Variants in ABCB9 observed in about 807,000 individuals in gnomAD.
ABCB9 encodes ATP binding cassette subfamily B member 9, also known as ABC-type oligopeptide transporter ABCB9.
Under a neutral mutation model 62.0 loss-of-function variants are expected in ABCB9, and 36 were observed. The ratio of observed to expected loss-of-function variants is 0.58; its 90% confidence interval spans 0.45 to 0.77. ABCB9 has a LOEUF of 0.77. ABCB9 is among the 30% of genes least tolerant of loss of function. ABCB9 has a pLI of 0.00. For synonymous variants in ABCB9, 435 were observed against 461.4 expected (o/e 0.94, Z 0.73); for missense variants, 943 against 1,054.7 (o/e 0.89, Z 1.47).
upstream of ABCB9, among the ~76,000 whole-genome samples, chr12:122,967,331 A>G (rs1277991664): frequency 6.6e-6 from 1 of 152,220 alleles, no homozygotes; most frequent in Admixed American, 6.5e-5. Flanking sequence ...ATCCTACGCT[A>G]AGGCCTGCAA....
Position 122,932,110 on chromosome 12 carries a change from A to G in ABCB9, c.2040+82T>C. 6.5e-7 allele frequency: 1 copy of G among 1,547,108 alleles called. No individual in the cohort carries two copies. Among genetic ancestry groups the G allele is most frequent in the East Asian group, 2.4e-5 (1 of 40,902 alleles). ...GAGCTCCTGGGGCCCGTCTCTTCTC[A>G]GCATCCATCTGCTGGGCGATGGGGG... On this transcript the variant is annotated intron_variant, in intron 11 of 11. Transcript: ENST00000280560. This position sits in a 1 kb window ranked among gnomAD's most constrained non-coding sequence, Gnocchi z 4.7.
upstream of ABCB9, chr12:122,966,554 G>A (rs919227341): frequency 6.6e-6 from 1 of 152,238 alleles, no homozygotes; most frequent in African/African-American, 2.4e-5. Flanking sequence ...GAGCCTCCCG[G>A]GAGGGGCGGG....
intron 10 of ABCB9, among the ~76,000 whole-genome samples, chr12:122,933,556 G>GAAA (rs781294476): frequency 7.9e-6 from 1 of 126,602 alleles, no homozygotes. Context: ...TCCATCTCAA[G>GAAA]AAAAAAAAAA....
At chr12:122,948,947 C>A (rs1230163645) in intron 4 of ABCB9, 118 bp from the exon 5 acceptor site, 7 of 222,790 alleles carry the variant, frequency 3.1e-5, no homozygotes, top group Admixed American at 2.2e-4. Flanking sequence ...TACCTGTGGG[C>A]GGGGTTGGGG....
chr12:122,950,315 C>G, intron 3 of ABCB9, 136 bp downstream of exon 3: 1 of 800,632 alleles, frequency 1.2e-6, no homozygotes, highest in Non-Finnish European at 1.9e-6. Context: ...CCCAGGGTGA[C>G]CAGCTGAGGG....
In ABCB9 at chr12:122,959,551, A is replaced by C; in HGVS notation, c.601+84T>G. The C allele has an allele frequency of 6.7e-7, 1 of 1,503,316 alleles. No homozygotes were observed. Among genetic ancestry groups the C allele is most frequent in the African/African-American group, 1.4e-5 (1 of 71,498 alleles). The allele number at this position is 1,503,316 out of a possible 1,614,324, so 93.1% of individuals were successfully genotyped here. A position where few individuals can be genotyped will look rare whatever the true frequency, so the allele number is the denominator to read the frequency against. On this transcript the variant is annotated intron_variant, in intron 2 of 11. Coordinates refer to ENST00000280560, the MANE Select transcript of ABCB9 (RefSeq NM_019625.4). The surrounding 1 kb of genome is among the most constrained non-coding windows in gnomAD (Gnocchi z 5.4). Reference sequence around the variant, plus strand: ...ATCAATTTGATGTCTGAACCACGTAAGTAAAATCTTTTAAAATCTAAGGCA... The same window carrying C: ...ATCAATTTGATGTCTGAACCACGTACGTAAAATCTTTTAAAATCTAAGGCA...
At position 122,923,365 on chromosome 12, in the gene ABCB9, G is replaced by T. The variant is rs536863470; in HGVS notation, c.2041-2322C>A. Reference sequence around the variant, plus strand: ...TGCAGTGGCGCGACCTCCACGCACTGCAAGCTCCGCCTCCCGGGTTCACGC... The same window carrying T: ...TGCAGTGGCGCGACCTCCACGCACTTCAAGCTCCGCCTCCCGGGTTCACGC... On this transcript the variant is annotated intron_variant, in intron 11 of 11. Transcript: ENST00000344275. Among the ~76,000 whole-genome samples the T allele has an allele frequency of 1.1e-4, 17 of 152,296 alleles. 1 individual carries two copies. In the South Asian group the frequency reaches 3.5e-3, roughly 32 times the overall value.
Position 122,923,915 on chromosome 12 carries a change from A to G in ABCB9, c.2041-2872T>C, listed in dbSNP as rs574246713. Among the ~76,000 whole-genome samples the G allele has an allele frequency of 7.9e-5, 12 of 152,268 alleles. No individual in the cohort carries two copies. In the South Asian group the frequency reaches 1.5e-3, roughly 18 times the overall value. On this transcript the variant is annotated intron_variant, in intron 11 of 11. Coordinates refer to the ABCB9 transcript ENST00000344275. ...CCGACACAGAGTGAGGTTGACACAG[A>G]CCAGTCCAGTCGACAGGGGAGCTGC...
chr12:122,955,901 G>A (rs1481429986), intron 2 of ABCB9, among the ~76,000 whole-genome samples: 2 of 151,974 alleles, frequency 1.3e-5, no homozygotes, highest in African/African-American at 2.4e-5. Flanking sequence ...TAGTAGAGAC[G>A]GGGTTTTGCC....
chr12:122,935,420 C>T lies in ABCB9; in HGVS notation c.1755G>A (p.Val585=). The part of the protein sequence containing the change: ...HKYLHRVISL[V]SQEPVLFARS... ...GGGCGAACAGCACGGGCTCCTGGCT[C>T]ACCAGGGAGATCTGGGGAGGAGGGA... Residue 585 remains valine, a synonymous_variant, in exon 10 of 12, where the codon GTG becomes GTA. Transcript: ENST00000280560. 6.2e-7 allele frequency: 1 copy of T among 1,613,300 alleles called. No individual in the cohort carries two copies. Among genetic ancestry groups the T allele is most frequent in the Admixed American group, 1.7e-5 (1 of 59,918 alleles).
chr12:122,948,818 A>T lies in ABCB9; in HGVS notation c.859T>A (p.Ser287Thr). 6.4e-7 allele frequency: 1 copy of T among 1,569,152 alleles called. No homozygotes were observed. The highest frequency in any genetic ancestry group is 8.6e-7 in the Non-Finnish European group (1 of 1,157,668). The change falls in exon 5 of 12, where the codon TCC becomes ACC. Residue 287 changes from serine to threonine, a missense_variant. Ser to Thr is a moderately conservative substitution (Grantham distance 58). Transcript: ENST00000280560. ...FDENRTGDLI[S>T]RLTSDTTMVS... ...ATGGTGGTGTCCGAGGTCAGGCGGGAGATGAGGTCCCCTGGAACACACGCG... is the reference window on the plus strand; with the variant it reads ...ATGGTGGTGTCCGAGGTCAGGCGGGTGATGAGGTCCCCTGGAACACACGCG...
chr12:122,944,855 T>G lies in ABCB9; in HGVS notation c.1252-336A>C, dbSNP rs1484495623. Reference sequence around the variant, plus strand: ...TCCTCCTCATGGGGAAGAGCATGACTCAGAGAGGGCAAGTGCCCTGGCTAA... The same window carrying G: ...TCCTCCTCATGGGGAAGAGCATGACGCAGAGAGGGCAAGTGCCCTGGCTAA... On this transcript the variant is annotated intron_variant, in intron 6 of 11. Transcript: ENST00000280560. This position sits in a 1 kb window ranked among gnomAD's most constrained non-coding sequence, Gnocchi z 4.9. 1.3e-5 allele frequency among the ~76,000 whole-genome samples: 2 copies of G among 152,212 alleles called. No individual in the cohort carries two copies. The highest frequency in any genetic ancestry group is 4.8e-5 in the African/African-American group (2 of 41,462).
At chr12:122,920,934 C>T (rs370591820), downstream of ABCB9, 8 of 1,313,896 alleles carry the variant, frequency 6.1e-6, no homozygotes, top group Middle Eastern at 1.9e-4. Context: ...TCACATAAAG[C>T]GCATAGACTC....
intron 9 of ABCB9, among the ~76,000 whole-genome samples, chr12:122,938,869 A>C (rs1362274844): frequency 6.6e-6 from 1 of 151,274 alleles, no homozygotes; most frequent in Non-Finnish European, 1.5e-5. Context: ...AAATAAAATA[A>C]AATATAAAGG....
chr12:122,960,354 G>A (rs575031169), intron 1 of ABCB9, 32 bp from the exon 2 acceptor site: 1 of 1,399,104 alleles, frequency 7.1e-7, no homozygotes, highest in Admixed American at 2.7e-5. Context: ...TCAGCACAAG[G>A]GGTTCAGGTT....
At chr12:122,965,876 A>G (rs2037145990) in intron 1 of ABCB9, among the ~76,000 whole-genome samples, 1 of 152,206 alleles carries the variant, frequency 6.6e-6, no homozygotes, top group Non-Finnish European at 1.5e-5. Context: ...GGTCAGCAGG[A>G]ACAGGCCAGA....
intron 3 of ABCB9, 44 bp downstream of exon 3, chr12:122,950,407 A>T: frequency 6.5e-7 from 1 of 1,541,216 alleles, no homozygotes; most frequent in Non-Finnish European, 8.8e-7. Context: ...TCCCTGGTGC[A>T]GGTCGGGGTG....
At chr12:122,948,943 T>TGG in intron 4 of ABCB9, 114 bp from the exon 5 acceptor site, 1 of 228,978 alleles carries the variant, frequency 4.4e-6, no homozygotes, top group Non-Finnish European at 7.4e-6. Context: ...TCCCTACCTG[T>TGG]GGGCGGGGTT....
At chr12:122,926,599 A>T (rs192042435), downstream of ABCB9, among the ~76,000 whole-genome samples, 1 of 151,784 alleles carries the variant, frequency 6.6e-6, no homozygotes, top group Admixed American at 6.6e-5. Flanking sequence ...AGAAAACATT[A>T]TATCTCTAGC....
Sources: allele counts gnomAD v4.1 joint callset (sites outside exome capture counted in the v4.1 genomes callset), GRCh38; gene constraint gnomAD v4.1.1; non-coding constraint Gnocchi (gnomAD v3.1); transcripts MANE v1.5; gene names NCBI Gene and HGNC (gene_info 2026-07-23, HGNC 2026-07-21).